Variants in UCHL3 observed in about 807,000 individuals in gnomAD.
UCHL3 encodes the protein ubiquitin carboxyl-terminal hydrolase isozyme L3.
A neutral mutation model predicts 35.8 loss-of-function variants in UCHL3; 22 were observed. That is an observed-to-expected ratio of 0.61 (90% CI 0.44 to 0.88). UCHL3 has a LOEUF of 0.88. UCHL3 is among the 40% of genes least tolerant of loss of function. The probability of loss-of-function intolerance (pLI) is 0.00; values close to 1 mark genes in which losing one functional copy is unlikely to be tolerated. For synonymous variants in UCHL3, 90 were observed against 92.8 expected (o/e 0.97, Z 0.17); for missense variants, 229 against 276.9 (o/e 0.83, Z 1.23).
intron 6 of UCHL3, chr13:75,589,812 A>C (rs1044001734): frequency 9.5e-6 from 7 of 740,002 alleles, no homozygotes; most frequent in Non-Finnish European, 1.3e-5. Context: ...CCTTTGCTAG[A>C]TAGATTATGG....
In UCHL3 at chr13:75,604,765, A is replaced by C; in HGVS notation, c.551-4A>C. 1 of 1,595,922 alleles carries C rather than the reference A, an allele frequency of 6.3e-7. No homozygotes were observed. The highest frequency in any genetic ancestry group is 1.1e-5 in the South Asian group (1 of 87,966). ...GCATTCAATTGTTTGTCTGTTTTCC[A>C]CAGATGGGCGGAAGCCATTTCCAAT... On this transcript the variant is annotated splice_polypyrimidine_tract_variant and splice_region_variant and intron_variant, in intron 7 of 8. Transcript: ENST00000377595.
intron 7 of UCHL3, among the ~76,000 whole-genome samples, chr13:75,599,425 A>T (rs1158971154): frequency 6.6e-6 from 1 of 152,100 alleles, no homozygotes; most frequent in Non-Finnish European, 1.5e-5. Flanking sequence ...CATATATTTC[A>T]TTTTTTACAA....
intron 7 of UCHL3, among the ~76,000 whole-genome samples, chr13:75,601,044 T>C (rs2138587675): frequency 6.6e-6 from 1 of 152,282 alleles, no homozygotes; most frequent in Non-Finnish European, 1.5e-5. Context: ...ATCATGAAAA[T>C]AGCAAGAAAA....
intron 4 of UCHL3, 145 bp downstream of exon 4, chr13:75,566,996 A>G (rs1277145354): frequency 9.7e-7 from 1 of 1,028,074 alleles, no homozygotes; most frequent in Non-Finnish European, 1.4e-6. Flanking sequence ...ATATACTGTT[A>G]GAAGAAATAT....
intron 6 of UCHL3, among the ~76,000 whole-genome samples, chr13:75,592,454 A>ATGTATATATGTATATATG (rs1566228207): frequency 5.0e-5 from 6 of 118,832 alleles, no homozygotes; most frequent in African/African-American, 1.9e-4. Flanking sequence ...ATATATATAT[A>ATGTATATATGTATATATG]TATATATATA....
chr13:75,578,328 G>A (rs1377118502), intron 6 of UCHL3, among the ~76,000 whole-genome samples: 2 of 151,996 alleles, frequency 1.3e-5, no homozygotes, highest in African/African-American at 2.4e-5. Flanking sequence ...GAATATCCCT[G>A]TTATCTAAGT....
chr13:75,579,672 A>G (rs2032126251), intron 6 of UCHL3, among the ~76,000 whole-genome samples: 1 of 152,146 alleles, frequency 6.6e-6, no homozygotes, highest in African/African-American at 2.4e-5. Flanking sequence ...TCTTAGACCG[A>G]ACTTACCAGT....
intron 3 of UCHL3, 142 bp from the exon 4 acceptor site, chr13:75,566,553 G>A: frequency 3.5e-6 from 2 of 566,542 alleles, no homozygotes; most frequent in South Asian, 3.5e-5. Context: ...TGTCAGTCTG[G>A]TAGGTGATAA....
At chr13:75,571,825 G>T (rs552759822) in intron 6 of UCHL3, among the ~76,000 whole-genome samples, 3 of 151,958 alleles carry the variant, frequency 2.0e-5, no homozygotes, top group Non-Finnish European at 4.4e-5. Context: ...CCACAGTTTA[G>T]AAACACTACT....
intron 3 of UCHL3, among the ~76,000 whole-genome samples, chr13:75,562,082 T>C (rs145058879): frequency 6.6e-6 from 1 of 152,180 alleles, no homozygotes; most frequent in African/African-American, 2.4e-5. Flanking sequence ...TTTGTCATAT[T>C]TGTGCTCAGG....
At chr13:75,588,414 C>G (rs1397575145) in intron 6 of UCHL3, among the ~76,000 whole-genome samples, 1 of 151,988 alleles carries the variant, frequency 6.6e-6, no homozygotes, top group Non-Finnish European at 1.5e-5. Context: ...TTCTCTCTTT[C>G]CTGTTATTTG....
chr13:75,589,462 C>T (rs2138555498), intron 6 of UCHL3, among the ~76,000 whole-genome samples: 1 of 152,164 alleles, frequency 6.6e-6, no homozygotes, highest in Middle Eastern at 3.4e-3. Context: ...TAATTTCACT[C>T]TTGTTTATAT....
chr13:75,581,997 G>T (rs1159057130), intron 6 of UCHL3, among the ~76,000 whole-genome samples: 1 of 152,176 alleles, frequency 6.6e-6, no homozygotes, highest in Non-Finnish European at 1.5e-5. Flanking sequence ...TTAGTTGACA[G>T]TTGATGGGCG....
rs2032412876 is a variant in UCHL3 at position 75,589,321 on chromosome 13, T to A, written c.475-5594T>A. Among the ~76,000 whole-genome samples, 3 of 152,092 alleles carry A rather than the reference T, an allele frequency of 2.0e-5. No individual in the cohort carries two copies. The South Asian group carries it at 6.2e-4, about 31-fold the overall frequency. Reference sequence around the variant, plus strand: ...TCAAGTCCTTAAAAAGCACCTGGCATAAAAAAAGATGCGTATTATATTTAA... The same window carrying A: ...TCAAGTCCTTAAAAAGCACCTGGCAAAAAAAAAGATGCGTATTATATTTAA... On this transcript the variant is annotated intron_variant, in intron 6 of 8. Coordinates refer to ENST00000377595, the MANE Select transcript of UCHL3 (RefSeq NM_006002.5).
intron 6 of UCHL3, among the ~76,000 whole-genome samples, chr13:75,579,986 A>G (rs1254959739): frequency 9.2e-5 from 14 of 152,196 alleles, no homozygotes; most frequent in Admixed American, 9.2e-4. Context: ...ATATTAATAG[A>G]TATTTCTAAC....
At chr13:75,574,124 A>C (rs1455189866) in intron 6 of UCHL3, among the ~76,000 whole-genome samples, 1 of 152,064 alleles carries the variant, frequency 6.6e-6, no homozygotes, top group Non-Finnish European at 1.5e-5. Flanking sequence ...AGGCTGAGGC[A>C]GGAGAATGGC....
intron 6 of UCHL3, among the ~76,000 whole-genome samples, chr13:75,582,123 T>C (rs1041385879): frequency 4.6e-5 from 7 of 152,160 alleles, no homozygotes; most frequent in Non-Finnish European, 7.3e-5. Flanking sequence ...CTTGTGCTTC[T>C]GAAAAAACCA....
At chr13:75,556,810 A>G (rs1382514953) in intron 2 of UCHL3, among the ~76,000 whole-genome samples, 1 of 152,336 alleles carries the variant, frequency 6.6e-6, no homozygotes, top group Admixed American at 6.5e-5. Context: ...GCAGAGAGAA[A>G]TGAAGCTGGA....
intron 2 of UCHL3, among the ~76,000 whole-genome samples, chr13:75,552,340 C>T (rs765678890): frequency 1.3e-5 from 2 of 152,172 alleles, no homozygotes; most frequent in Non-Finnish European, 2.9e-5. Context: ...ATATCCATCC[C>T]ACTCTCTTTT....
Sources: allele counts gnomAD v4.1 joint callset (sites outside exome capture counted in the v4.1 genomes callset), GRCh38; gene constraint gnomAD v4.1.1; transcripts MANE v1.5; gene names NCBI Gene and HGNC (gene_info 2026-07-23, HGNC 2026-07-21).